The following UBR4 variants were observed in gnomAD, a reference collection of about 807,000 sequenced individuals.
UBR4 encodes the protein E3 ubiquitin-protein ligase UBR4.
UBR4 carries 124 observed loss-of-function variants against 575.6 expected under a neutral mutation model. The ratio of observed to expected loss-of-function variants is 0.22; its 90% CI spans 0.19 to 0.25. The LOEUF is 0.25. Ranked by LOEUF, UBR4 falls within the 10% of genes least tolerant of loss-of-function variation. UBR4 has a pLI of 1.00. For missense variants in UBR4, 4,818 were observed against 6,478.8 expected, an observed-to-expected ratio of 0.74 and a Z score of 8.80; for synonymous variants, 2,455 against 2,473.7, an observed-to-expected ratio of 0.99 and a Z score of 0.22.
At chr1:19,188,177 G>T (rs1269701419) in intron 11 of UBR4, among the ~76,000 whole-genome samples, 1 of 152,082 alleles carries the variant, frequency 6.6e-6, no homozygotes, top group African/African-American at 2.4e-5. Context: ...AATGTAGATT[G>T]AACTTTTAAA....
At chr1:19,125,555 G>C (rs531932896) in intron 64 of UBR4, 1 of 152,406 alleles carries the variant, frequency 6.6e-6, no homozygotes, top group African/African-American at 2.4e-5. Flanking sequence ...CAGAGGGAGA[G>C]GAAAGAATTC....
chr1:19,162,662 A>G (rs531086114), intron 34 of UBR4, 51 bp from the exon 35 acceptor site: 1 of 1,546,110 alleles, frequency 6.5e-7, no homozygotes, highest in East Asian at 2.3e-5. Context: ...TTCATTATGT[A>G]AACCATGTTT....
Position 19,157,002 on chromosome 1 carries a change from T to C in UBR4, c.5761-77A>G. On this transcript the variant is annotated intron_variant, in intron 40 of 105. Coordinates refer to ENST00000375254, the MANE Select transcript of UBR4 (RefSeq NM_020765.3). The surrounding 1 kb of genome is among the most constrained non-coding windows in gnomAD (Gnocchi z 4.4). The stretch of plus-strand genomic sequence containing the variant: ...GTCAAAGCAAGTAACAAAAACTCTT[T>C]CAATAGGGATAACAGGTTGCACACT... The C allele has an allele frequency of 6.6e-7, 1 of 1,506,364 alleles. No homozygotes were observed. The highest frequency in any genetic ancestry group is 9.0e-7 in the Non-Finnish European group (1 of 1,114,496). The allele number at this position is 1,506,364 out of a possible 1,614,324, so 93.3% of individuals were successfully genotyped here.
rs548159628 is a variant in UBR4, at chr1:19,088,513, A to G, written c.14430+246T>C. ...ACTTGAGGGCTTAAATAAGTCCTCA[A>G]TAAACTTAATGGCTATTATCACTGG... is the stretch of plus-strand genomic sequence containing the variant. On this transcript the variant is annotated intron_variant, in intron 98 of 105. Transcript: ENST00000375254. This position sits in a 1 kb window ranked among gnomAD's most constrained non-coding sequence, Gnocchi z 4.0. Among the ~76,000 whole-genome samples, 2 of 152,354 alleles carry G rather than the reference A, an allele frequency of 1.3e-5. No homozygotes were observed. Among genetic ancestry groups the G allele is most frequent in the South Asian group, 4.1e-4 (2 of 4,828 alleles).
chr1:19,090,881 G>T (rs2077440772), intron 97 of UBR4, among the ~76,000 whole-genome samples: 1 of 152,146 alleles, frequency 6.6e-6, no homozygotes. Context: ...GATCACCTGA[G>T]GTCAGGAGTT....
chr1:19,175,582 A>G (rs1256953703), intron 20 of UBR4, among the ~76,000 whole-genome samples: 17 of 152,216 alleles, frequency 1.1e-4, no homozygotes, highest in Admixed American at 1.0e-3. Flanking sequence ...GACAATTGCT[A>G]TATGAGAAAA....
intron 35 of UBR4, 122 bp downstream of exon 35, chr1:19,162,298 C>T: frequency 2.4e-6 from 3 of 1,227,634 alleles, no homozygotes; most frequent in Non-Finnish European, 3.4e-6. Context: ...TGGGGCCTGG[C>T]AGCAACAAGG....
At chr1:19,133,230 T>C (rs557963898) in intron 60 of UBR4, among the ~76,000 whole-genome samples, 8 of 152,242 alleles carry the variant, frequency 5.3e-5, no homozygotes, top group Non-Finnish European at 8.8e-5. Flanking sequence ...CATGACTAAA[T>C]AGGCTTAATA....
chr1:19,146,163 C>G (rs1351021572), intron 52 of UBR4: 5 of 1,418,052 alleles, frequency 3.5e-6, no homozygotes, highest in African/African-American at 2.9e-5. Context: ...GAACGGGGAG[C>G]ATTTAGGATG....
rs1009457598 is a variant in UBR4, at chr1:19,106,463, G to A, written c.12393+106C>T. The A allele has an allele frequency of 6.5e-5, 89 of 1,377,384 alleles. 1 individual carries two copies. In the South Asian group the frequency reaches 1.3e-3, roughly 21 times the overall value. 85.3% of individuals were successfully genotyped at this position (1,377,384 alleles called of 1,614,324 possible). On this transcript the variant is annotated intron_variant, in intron 83 of 105. Coordinates refer to ENST00000375254, the MANE Select transcript of UBR4 (RefSeq NM_020765.3). Reference sequence around the variant, plus strand: ...TGAAAGGAAGCAAGAAGAGCAAAGAGAAAGAAGAGATGGCAGTGCAGACAC... The same window carrying A: ...TGAAAGGAAGCAAGAAGAGCAAAGAAAAAGAAGAGATGGCAGTGCAGACAC...
chr1:19,202,248 G>A (rs2151726619), intron 1 of UBR4, among the ~76,000 whole-genome samples: 1 of 152,224 alleles, frequency 6.6e-6, no homozygotes, highest in South Asian at 2.1e-4. Context: ...TCTCATTCAA[G>A]GTCATCAGGC....
intron 97 of UBR4, among the ~76,000 whole-genome samples, chr1:19,091,506 G>T (rs543079022): frequency 4.6e-5 from 7 of 152,198 alleles, no homozygotes; most frequent in Non-Finnish European, 1.0e-4. Flanking sequence ...AAACAATCCA[G>T]TTAGAAATTG....
At position 19,088,093 on chromosome 1, in the gene UBR4, G is replaced by C. The variant is rs2077187492; in HGVS notation, c.14431-164C>G. ...TCTTCTAATAAGGATAAAGACCCAG[G>C]CCCTTCTGCTATTCTCTCTTCCTAC... On this transcript the variant is annotated intron_variant, in intron 98 of 105. Coordinates refer to ENST00000375254, the MANE Select transcript of UBR4 (RefSeq NM_020765.3). The surrounding 1 kb of genome is among the most constrained non-coding windows in gnomAD (Gnocchi z 4.0). Among the ~76,000 whole-genome samples the C allele has an allele frequency of 1.3e-5, 2 of 152,208 alleles. No homozygotes were observed. The highest frequency in any genetic ancestry group is 1.3e-4 in the Admixed American group (2 of 15,282).
chr1:19,129,237 C>T (rs1180404305), intron 60 of UBR4, among the ~76,000 whole-genome samples, 163 bp from the exon 61 acceptor site: 1 of 151,824 alleles, frequency 6.6e-6, no homozygotes, highest in African/African-American at 2.4e-5. Context: ...ACTGCCTAAT[C>T]GGTATGCCAG....
chr1:19,114,034 C>G lies in UBR4; in HGVS notation c.11239G>C (p.Asp3747His). 1 of 1,614,170 alleles carries G rather than the reference C, an allele frequency of 6.2e-7. No individual in the cohort carries two copies. The highest frequency in any genetic ancestry group is 1.1e-5 in the South Asian group (1 of 91,080). Reference sequence around the variant, plus strand: ...CCCATCAGCTGATGATACACTCGATCAGCTTTGTCCAAAAGTGTATTGATG... The same window carrying G: ...CCCATCAGCTGATGATACACTCGATGAGCTTTGTCCAAAAGTGTATTGATG... ...SNINTLLDKADRVYHQLMGHR... is the reference protein window; with the variant it reads ...SNINTLLDKAHRVYHQLMGHR... Residue 3747 changes from aspartate to histidine, a missense_variant, in exon 76 of 106, where the codon GAT becomes CAT. Physicochemically the swap from Asp to His is moderately conservative, Grantham distance 81. This residue lies in a region of UBR4 where 333 missense variants were observed against 459.2 expected (regional missense o/e 0.73). Coordinates refer to ENST00000375254, the MANE Select transcript of UBR4 (RefSeq NM_020765.3).
At chr1:19,094,487 G>A (rs1027801799) in intron 94 of UBR4, among the ~76,000 whole-genome samples, 2 of 152,166 alleles carry the variant, frequency 1.3e-5, no homozygotes, top group Admixed American at 1.3e-4. Context: ...CATAGCAGGT[G>A]GAGAGAAATT....
intron 39 of UBR4, among the ~76,000 whole-genome samples, chr1:19,158,385 G>C (rs2150438770): frequency 6.6e-6 from 1 of 152,066 alleles, no homozygotes; most frequent in Admixed American, 6.5e-5. Context: ...AAAAACCAAT[G>C]CTCTAAAAGT....
chr1:19,098,722 C>T (rs917553992), intron 90 of UBR4, among the ~76,000 whole-genome samples: 8 of 152,064 alleles, frequency 5.3e-5, no homozygotes, highest in African/African-American at 1.2e-4. Flanking sequence ...AGGAGAGAGG[C>T]GGAAATATGT....
chr1:19,137,893 T>C, intron 60 of UBR4, 114 bp downstream of exon 60: 1 of 1,179,946 alleles, frequency 8.5e-7, no homozygotes, highest in Non-Finnish European at 1.1e-6. Flanking sequence ...CCTTTATATT[T>C]CAAAAGAAAT....
Sources: gnomAD v4.1 joint callset for allele counts (sites outside exome capture counted in the v4.1 genomes callset) on GRCh38, gnomAD v4.1.1 for gene constraint, gnomAD v4.1.1 regional missense constraint, Gnocchi (gnomAD v3.1) non-coding constraint, MANE v1.5 for transcripts, NCBI Gene and HGNC (gene_info 2026-07-23, HGNC 2026-07-21) for gene names.